The following LIMS1 variants were observed in gnomAD, a reference collection of about 807,000 sequenced individuals.
LIMS1 encodes LIM and senescent cell antigen-like-containing domain protein 1.
In LIMS1, 18 loss-of-function variants were observed where a neutral mutation model predicts 44.1. That is an observed-to-expected ratio of 0.41 (90% CI 0.28 to 0.61). The LOEUF (loss-of-function observed/expected upper bound fraction) is 0.61. LIMS1 is among the 20% of genes least tolerant of loss of function. The probability of loss-of-function intolerance (pLI) is 0.32; values close to 1 mark genes in which losing one functional copy is unlikely to be tolerated. For synonymous variants in LIMS1, 93 were observed against 149.1 expected, an observed-to-expected ratio of 0.62 and a Z score of 2.74; for missense variants, 201 against 422.0, an observed-to-expected ratio of 0.48 and a Z score of 4.59.
chr2:108,581,438 T>C (rs1685881474), intron 1 of LIMS1, among the ~76,000 whole-genome samples: 1 of 152,242 alleles, frequency 6.6e-6, no homozygotes, highest in Admixed American at 6.5e-5. Flanking sequence ...CTTTTTGTCA[T>C]TGGGACACTA....
chr2:108,564,324 A>C (rs1290486635), intron 1 of LIMS1, among the ~76,000 whole-genome samples: 2 of 152,180 alleles, frequency 1.3e-5, no homozygotes, highest in Non-Finnish European at 2.9e-5. Flanking sequence ...CACTTAATAG[A>C]CTACAGTGTA....
rs924050498 is a variant in LIMS1, at chr2:108,681,164, A to G, written c.899+394A>G. ...ATTTTCACTGCTTTCTCCTTTGGTTAGTCCTTTGGAATATGTTTTTGTTCT... is the reference window on the plus strand; with the variant it reads ...ATTTTCACTGCTTTCTCCTTTGGTTGGTCCTTTGGAATATGTTTTTGTTCT... On this transcript the variant is annotated intron_variant, in intron 9 of 9. Transcript: ENST00000544547. The G allele has an allele frequency of 2.1e-5, 27 of 1,273,112 alleles. 1 individual carries two copies. Among genetic ancestry groups the G allele is most frequent in the Middle Eastern group, 6.0e-4 (2 of 3,358 alleles). The allele number at this position is 1,273,112 out of a possible 1,614,324, so 78.9% of individuals were successfully genotyped here. A position where few individuals can be genotyped will look rare whatever the true frequency, so the allele number is the denominator to read the frequency against.
chr2:108,536,579 T>C (rs1684150614), intron 1 of LIMS1, among the ~76,000 whole-genome samples: 1 of 152,112 alleles, frequency 6.6e-6, no homozygotes, highest in African/African-American at 2.4e-5. Context: ...TAGACAGGTG[T>C]TTGTTGTTGT....
At chr2:108,546,626 CCAG>C (rs1684489904) in intron 1 of LIMS1, among the ~76,000 whole-genome samples, 2 of 151,418 alleles carry the variant, frequency 1.3e-5, no homozygotes, top group African/African-American at 4.8e-5. Context: ...TATAGCTAAA[CCAG>C]CAGAGCCTAG....
chr2:108,558,885 G>C (rs959121587), intron 1 of LIMS1, among the ~76,000 whole-genome samples: 3 of 151,770 alleles, frequency 2.0e-5, no homozygotes, highest in South Asian at 2.1e-4. Context: ...TGGCCAGGCT[G>C]GTCCCAAACT....
chr2:108,568,883 T>G (rs1685385480), intron 1 of LIMS1, among the ~76,000 whole-genome samples: 1 of 151,804 alleles, frequency 6.6e-6, no homozygotes, highest in Non-Finnish European at 1.5e-5. Context: ...GGCTATTTGA[T>G]TTTTTTTGGC....
At chr2:108,558,757 G>A (rs1373684398) in intron 1 of LIMS1, among the ~76,000 whole-genome samples, 3 of 149,776 alleles carry the variant, frequency 2.0e-5, no homozygotes, top group Admixed American at 6.7e-5. Flanking sequence ...TGCAACCTCC[G>A]CCTCCTGGGT....
intron 1 of LIMS1, among the ~76,000 whole-genome samples, chr2:108,617,450 T>C (rs1368453365): frequency 6.6e-6 from 1 of 152,148 alleles, no homozygotes; most frequent in African/African-American, 2.4e-5. Context: ...GTAGAAGAAG[T>C]GTGTCTTTTA....
At chr2:108,670,096 A>C in intron 2 of LIMS1, among the ~76,000 whole-genome samples, 1 of 152,180 alleles carries the variant, frequency 6.6e-6, no homozygotes, top group East Asian at 1.9e-4. Context: ...TACTAGGATA[A>C]AATTGGAGCA....
rs115380405 is a variant in LIMS1, at chr2:108,564,402, C to T, written c.32+29808C>T. On this transcript the variant is annotated intron_variant, in intron 1 of 9. Coordinates refer to ENST00000544547, the Ensembl canonical transcript of LIMS1. ...GTGACTCGCTTTATTGTGATACGCA[C>T]TCCATTGTGGTGGTCTGAAACTGAA... 5.0e-3 allele frequency among the ~76,000 whole-genome samples: 764 copies of T among 152,274 alleles called. 5 individuals carry two copies. Among genetic ancestry groups the T allele is most frequent in the African/African-American group, 0.017 (725 of 41,550 alleles).
At chr2:108,660,842 ATTTAC>A (rs1246118845) in intron 2 of LIMS1, 5 of 159,094 alleles carry the variant, frequency 3.1e-5, no homozygotes, top group Non-Finnish European at 4.2e-5. Context: ...CAAATAGGTA[ATTTAC>A]TTTTACCACC....
At chr2:108,545,863 C>T (rs1169046073) in intron 1 of LIMS1, among the ~76,000 whole-genome samples, 1 of 152,178 alleles carries the variant, frequency 6.6e-6, no homozygotes, top group East Asian at 1.9e-4. Flanking sequence ...ACTATGCAGA[C>T]TTTCAATCTG....
intron 1 of LIMS1, among the ~76,000 whole-genome samples, chr2:108,652,337 A>G (rs1172307081): frequency 2.0e-5 from 3 of 152,294 alleles, no homozygotes; most frequent in Admixed American, 6.5e-5. Flanking sequence ...CTATGCATCC[A>G]TGTCATGGAA....
Position 108,607,683 on chromosome 2 carries a change from TTTA to T in LIMS1, c.33-51920_33-51918del, listed in dbSNP as rs1243704077. Among the ~76,000 whole-genome samples the T allele has an allele frequency of 3.9e-5, 6 of 152,322 alleles. No individual in the cohort carries two copies. The South Asian group carries it at 1.0e-3, about 26-fold the overall frequency. On this transcript the variant is annotated intron_variant, in intron 1 of 9. Transcript: ENST00000544547. Reference sequence around the variant, plus strand: ...CCATCTGTTTTTACTAGTCTTATAGTTTATATCCCTTAACTTTTCTCGTCTTCC... The same window carrying T: ...CCATCTGTTTTTACTAGTCTTATAGTTATCCCTTAACTTTTCTCGTCTTCC...
At chr2:108,594,146 TG>T (rs1686545831) in intron 1 of LIMS1, among the ~76,000 whole-genome samples, 1 of 152,164 alleles carries the variant, frequency 6.6e-6, no homozygotes, top group South Asian at 2.1e-4. Context: ...GGGAAGGATA[TG>T]GTCGACAAGT....
intron 1 of LIMS1, among the ~76,000 whole-genome samples, chr2:108,611,988 CATATATTATATATACACACATATATATAT>C (rs775579865): frequency 2.1e-3 from 290 of 140,748 alleles, no homozygotes; most frequent in African/African-American, 7.3e-3. Flanking sequence ...AATATATATA[CATATATTATATATACACACATATATATAT>C]ACACACACAT....
chr2:108,669,241 C>G (rs1404127698), intron 2 of LIMS1, among the ~76,000 whole-genome samples: 1 of 151,836 alleles, frequency 6.6e-6, no homozygotes, highest in Non-Finnish European at 1.5e-5. Flanking sequence ...AACCCCATCT[C>G]TACTAAGAAT....
intron 1 of LIMS1, chr2:108,621,338 G>GA: frequency 6.5e-7 from 1 of 1,549,992 alleles, no homozygotes; most frequent in Non-Finnish European, 8.7e-7. Context: ...GTCAGCAATT[G>GA]ATGTGTGGAG....
At chr2:108,608,282 CTG>C (rs1687384830) in intron 1 of LIMS1, among the ~76,000 whole-genome samples, 1 of 151,352 alleles carries the variant, frequency 6.6e-6, no homozygotes, top group Admixed American at 6.6e-5. Flanking sequence ...GTTTGTGTCA[CTG>C]TGCAAGTTGC....
Sources: gnomAD v4.1 joint callset for allele counts (sites outside exome capture counted in the v4.1 genomes callset) on GRCh38, gnomAD v4.1.1 for gene constraint, MANE v1.5 for transcripts, NCBI Gene and HGNC (gene_info 2026-07-23, HGNC 2026-07-21) for gene names.